Variants in PCDH15 observed in about 807,000 individuals in gnomAD.
PCDH15 encodes the protein protocadherin related 15.
In PCDH15, 129 loss-of-function variants were observed where a neutral mutation model predicts 178.5. The observed-to-expected ratio is 0.72, with a 90% CI of 0.63 to 0.84. The LOEUF is 0.84. Ranked by LOEUF, PCDH15 falls within the 40% of genes least tolerant of loss-of-function variation. The pLI, the probability that PCDH15 is intolerant of heterozygous loss-of-function variation, is 0.00. For missense variants in PCDH15, 2,230 were observed against 2,099.9 expected, an observed-to-expected ratio of 1.06 and a Z score of -1.21; for synonymous variants, 800 against 732.0, an observed-to-expected ratio of 1.09 and a Z score of -1.50.
At chr10:55,446,770 C>T (rs1261963045) in intron 2 of PCDH15, among the ~76,000 whole-genome samples, 1 of 152,062 alleles carries the variant, frequency 6.6e-6, no homozygotes, top group African/African-American at 2.4e-5. Flanking sequence ...GAAGAACATA[C>T]CTAGCTAATT....
chr10:55,364,275 C>A (rs1845299693), intron 2 of PCDH15, among the ~76,000 whole-genome samples: 1 of 152,124 alleles, frequency 6.6e-6, no homozygotes, highest in African/African-American at 2.4e-5. Flanking sequence ...CAGTCTCAGG[C>A]AGTTCTTCAT....
intron 5 of PCDH15, among the ~76,000 whole-genome samples, chr10:54,352,222 C>T (rs986856045): frequency 6.6e-6 from 1 of 152,234 alleles, no homozygotes; most frequent in East Asian, 1.9e-4. Context: ...CACACCAATG[C>T]CTTCTGATAG....
At chr10:54,660,319 A>C (rs183079197) in intron 2 of PCDH15, among the ~76,000 whole-genome samples, 94 of 152,244 alleles carry the variant, frequency 6.2e-4, no homozygotes, top group African/African-American at 1.8e-3. Context: ...GAGAGTAATC[A>C]TGGTAGACTA....
At chr10:54,766,695 T>C (rs535305840) in intron 1 of PCDH15, among the ~76,000 whole-genome samples, 10 of 152,054 alleles carry the variant, frequency 6.6e-5, no homozygotes, top group East Asian at 3.9e-4. Context: ...TTTGGGAGGC[T>C]GAGGCGGGCG....
chr10:55,570,755 T>A (rs1402244957), intron 2 of PCDH15, among the ~76,000 whole-genome samples: 1 of 152,078 alleles, frequency 6.6e-6, no homozygotes, highest in Admixed American at 6.6e-5. Flanking sequence ...TGTTTTCAAA[T>A]GCTATTGATT....
chr10:55,399,242 G>T (rs1838004881), intron 2 of PCDH15, among the ~76,000 whole-genome samples: 1 of 152,110 alleles, frequency 6.6e-6, no homozygotes, highest in East Asian at 1.9e-4. Flanking sequence ...GATTTTAACT[G>T]TCAGCAAATA....
At chr10:53,886,563 CT>C (rs2081108203) in intron 26 of PCDH15, among the ~76,000 whole-genome samples, 1 of 146,240 alleles carries the variant, frequency 6.8e-6, no homozygotes, top group Admixed American at 6.8e-5. Flanking sequence ...GGGGCAGGAG[CT>C]GCTAGTCGTT....
intron 1 of PCDH15, among the ~76,000 whole-genome samples, chr10:54,665,335 T>G (rs2094554117): frequency 6.6e-6 from 1 of 152,028 alleles, no homozygotes; most frequent in South Asian, 2.1e-4. Context: ...AATTTTCATG[T>G]GATTTCCAAG....
intron 10 of PCDH15, 110 bp from the exon 11 acceptor site, chr10:54,195,999 C>A: frequency 2.1e-6 from 2 of 938,074 alleles, no homozygotes; most frequent in African/African-American, 1.7e-5. Context: ...AATATCATCA[C>A]ATAAGGAAAA....
At chr10:55,078,043 G>T (rs1841952310) in intron 2 of PCDH15, among the ~76,000 whole-genome samples, 1 of 152,104 alleles carries the variant, frequency 6.6e-6, no homozygotes, top group South Asian at 2.1e-4. Context: ...TGCTTTCAGG[G>T]AAAGGCTTTG....
intron 2 of PCDH15, among the ~76,000 whole-genome samples, chr10:54,626,111 TA>T (rs1432297089): frequency 6.6e-6 from 1 of 152,124 alleles, no homozygotes; most frequent in African/African-American, 2.4e-5. Flanking sequence ...TGTGGCAAAA[TA>T]AATTTCTAAG....
chr10:54,791,455 T>C (rs1951400283), intron 1 of PCDH15, among the ~76,000 whole-genome samples: 1 of 151,898 alleles, frequency 6.6e-6, no homozygotes, highest in Non-Finnish European at 1.5e-5. Flanking sequence ...CCTTGACCTC[T>C]TCTTTTCTTA....
At chr10:55,273,003 A>G (rs1012756882) in intron 1 of PCDH15, among the ~76,000 whole-genome samples, 1 of 151,996 alleles carries the variant, frequency 6.6e-6, no homozygotes, top group African/African-American at 2.4e-5. Flanking sequence ...ACTGTGAAAA[A>G]CGAAGGCAGA....
intron 1 of PCDH15, among the ~76,000 whole-genome samples, chr10:55,208,489 C>G (rs914356552): frequency 2.0e-5 from 3 of 152,042 alleles, no homozygotes; most frequent in African/African-American, 7.3e-5. Context: ...CCTTCTATGT[C>G]TTTGCTTTCA....
chr10:54,470,342 T>C (rs2077822186), intron 3 of PCDH15, among the ~76,000 whole-genome samples: 1 of 152,190 alleles, frequency 6.6e-6, no homozygotes, highest in Non-Finnish European at 1.5e-5. Flanking sequence ...GCTGGGTCAC[T>C]GTCAGTGCCT....
chr10:55,026,488 A>G (rs1450281363), intron 2 of PCDH15, among the ~76,000 whole-genome samples: 1 of 151,996 alleles, frequency 6.6e-6, no homozygotes, highest in Non-Finnish European at 1.5e-5. Flanking sequence ...GCTTAACTAC[A>G]TATTCACAAA....
At chr10:54,363,084 T>C (rs1250367000) in intron 5 of PCDH15, among the ~76,000 whole-genome samples, 1 of 152,100 alleles carries the variant, frequency 6.6e-6, no homozygotes, top group Non-Finnish European at 1.5e-5. Context: ...ATGATAACTG[T>C]GCCATTCCTA....
chr10:54,514,770 T>C (rs1487582063), intron 3 of PCDH15, among the ~76,000 whole-genome samples: 2 of 151,918 alleles, frequency 1.3e-5, no homozygotes, highest in Non-Finnish European at 2.9e-5. Context: ...ATTCAAATAA[T>C]ACAAATAAAA....
At chr10:54,559,185 GAATT>G (rs1307832552) in intron 2 of PCDH15, among the ~76,000 whole-genome samples, 2 of 151,796 alleles carry the variant, frequency 1.3e-5, no homozygotes, top group Non-Finnish European at 2.9e-5. Context: ...TAACATATGA[GAATT>G]AAAATATATA....
Sources: gnomAD v4.1 joint callset for allele counts (sites outside exome capture counted in the v4.1 genomes callset) on GRCh38, gnomAD v4.1.1 for gene constraint, MANE v1.5 for transcripts, NCBI Gene and HGNC (gene_info 2026-07-23, HGNC 2026-07-21) for gene names.